Variants in ATP8A2 observed in about 807,000 individuals in gnomAD.
The protein encoded by ATP8A2 is phospholipid-transporting ATPase IB.
In ATP8A2, 100 loss-of-function variants were observed where a neutral mutation model predicts 165.6. The ratio of observed to expected loss-of-function variants is 0.60; its 90% CI spans 0.51 to 0.71. The LOEUF (loss-of-function observed/expected upper bound fraction) is 0.71, where lower values mean the gene tolerates loss of function less well. ATP8A2 is among the 30% of genes least tolerant of loss of function. ATP8A2 has a pLI of 0.00. For synonymous variants in ATP8A2, 543 were observed against 548.8 expected, an observed-to-expected ratio of 0.99 and a Z score of 0.15; for missense variants, 1,227 against 1,479.5, an observed-to-expected ratio of 0.83 and a Z score of 2.80.
At chr13:25,529,648 G>T (rs933646243) in intron 2 of ATP8A2, among the ~76,000 whole-genome samples, 8 of 152,130 alleles carry the variant, frequency 5.3e-5, no homozygotes, top group Admixed American at 4.6e-4. Flanking sequence ...AAACATCTGT[G>T]GTGGTTACCC....
intron 1 of ATP8A2, among the ~76,000 whole-genome samples, chr13:25,429,127 G>A (rs1394969453): frequency 6.6e-6 from 1 of 152,054 alleles, no homozygotes; most frequent in East Asian, 1.9e-4. Context: ...CAGCACTTTG[G>A]GAGGCCGAGG....
At chr13:25,639,365 A>C (rs940234125) in intron 24 of ATP8A2, among the ~76,000 whole-genome samples, 1 of 152,170 alleles carries the variant, frequency 6.6e-6, no homozygotes, top group African/African-American at 2.4e-5. Flanking sequence ...CCCATCTCAC[A>C]TGCAGAGACA....
intron 33 of ATP8A2, among the ~76,000 whole-genome samples, chr13:25,878,551 G>C (rs1952883521): frequency 6.7e-6 from 1 of 149,374 alleles, no homozygotes; most frequent in African/African-American, 2.5e-5. Context: ...GGTGGGTTTT[G>C]GCTGGCTTCT....
chr13:25,964,091 C>G (rs61947399), intron 34 of ATP8A2, among the ~76,000 whole-genome samples: 7,849 of 152,318 alleles, frequency 0.052, 225 homozygotes, highest in East Asian at 0.11. Flanking sequence ...CACCCAGCAC[C>G]TGGCACCACG....
chr13:25,514,189 A>C (rs535338326), intron 2 of ATP8A2, among the ~76,000 whole-genome samples: 1 of 152,118 alleles, frequency 6.6e-6, no homozygotes, highest in African/African-American at 2.4e-5. Context: ...CCAATTGCCA[A>C]TAGCCATTTT....
At chr13:25,835,887 C>T (rs1223472364) in intron 28 of ATP8A2, among the ~76,000 whole-genome samples, 1 of 152,126 alleles carries the variant, frequency 6.6e-6, no homozygotes, top group African/African-American at 2.4e-5. Context: ...CTTTAAATGA[C>T]AACAATTTAA....
At chr13:25,516,653 A>G (rs912368698) in intron 2 of ATP8A2, among the ~76,000 whole-genome samples, 13 of 152,126 alleles carry the variant, frequency 8.5e-5, no homozygotes, top group Admixed American at 8.5e-4. Context: ...TTAATTGAAA[A>G]TTGAGAAGAA....
chr13:25,741,130 A>G (rs2043901990), intron 25 of ATP8A2, among the ~76,000 whole-genome samples: 1 of 152,244 alleles, frequency 6.6e-6, no homozygotes, highest in Non-Finnish European at 1.5e-5. Context: ...TTTTATCGGA[A>G]AAATCTTTGT....
At chr13:25,637,237 A>G (rs1197629849) in intron 24 of ATP8A2, among the ~76,000 whole-genome samples, 1 of 151,888 alleles carries the variant, frequency 6.6e-6, no homozygotes, top group African/African-American at 2.4e-5. Context: ...GGTTCATCTC[A>G]CTGGGGCTAG....
At chr13:25,621,775 C>G (rs370872555) in intron 24 of ATP8A2, among the ~76,000 whole-genome samples, 3 of 152,210 alleles carry the variant, frequency 2.0e-5, no homozygotes, top group African/African-American at 7.2e-5. Flanking sequence ...GAATTTAGAC[C>G]TAATTTACCT....
At chr13:25,936,133 C>G (rs931068988) in intron 33 of ATP8A2, among the ~76,000 whole-genome samples, 2 of 152,162 alleles carry the variant, frequency 1.3e-5, no homozygotes, top group South Asian at 4.2e-4. Context: ...TTCAAAGTAC[C>G]CAACTCACAT....
chr13:25,772,097 G>A (rs1299509579), intron 26 of ATP8A2, among the ~76,000 whole-genome samples: 1 of 152,054 alleles, frequency 6.6e-6, no homozygotes, highest in Non-Finnish European at 1.5e-5. Flanking sequence ...ATGCACATGG[G>A]CAGCCCAAGA....
At chr13:25,477,479 A>G (rs34715328) in intron 2 of ATP8A2, among the ~76,000 whole-genome samples, 12,065 of 152,272 alleles carry the variant, frequency 0.079, 689 homozygotes, top group African/African-American at 0.16. Flanking sequence ...ATTGGTGGAA[A>G]AACTGGTGAA....
chr13:25,888,068 A>ACCCCCCCCCCCCCCCCCCCCCCC (rs71080210), intron 33 of ATP8A2, among the ~76,000 whole-genome samples: 1 of 105,582 alleles, frequency 9.5e-6, no homozygotes, highest in African/African-American at 3.4e-5. Flanking sequence ...AAGAACCCAG[A>ACCCCCCCCCCCCCCCCCCCCCCC]CCCCCCCCCC....
At chr13:25,726,300 G>T (rs745640588) in intron 25 of ATP8A2, among the ~76,000 whole-genome samples, 1 of 152,162 alleles carries the variant, frequency 6.6e-6, no homozygotes. Flanking sequence ...AACTAAAGGC[G>T]CAAAAGTGTG....
At chr13:25,833,198 T>TA (rs1951522446) in intron 28 of ATP8A2, among the ~76,000 whole-genome samples, 2 of 152,038 alleles carry the variant, frequency 1.3e-5, no homozygotes, top group Admixed American at 6.5e-5. Context: ...TTAAAAGTCT[T>TA]ATTGAACAAA....
At chr13:25,868,179 CATAT>C (rs1204211633) in intron 33 of ATP8A2, 8 of 453,954 alleles carry the variant, frequency 1.8e-5, no homozygotes, top group Admixed American at 4.8e-5. Context: ...AGGACTTTAG[CATAT>C]TTAAACTGTT....
intron 35 of ATP8A2, among the ~76,000 whole-genome samples, chr13:26,002,848 C>CTGTGTGTATGTG (rs1956660056): frequency 7.4e-6 from 1 of 134,720 alleles, no homozygotes; most frequent in South Asian, 2.5e-4. Flanking sequence ...TAGTATTCCA[C>CTGTGTGTATGTG]TGTGTGTGTG....
At chr13:25,797,304 AT>A (rs1265519293) in intron 27 of ATP8A2, among the ~76,000 whole-genome samples, 3 of 151,588 alleles carry the variant, frequency 2.0e-5, no homozygotes, top group African/African-American at 7.3e-5. Context: ...GTAGAATTGG[AT>A]TGTGTATAAC....
Sources: gnomAD v4.1 joint callset for allele counts (sites outside exome capture counted in the v4.1 genomes callset) on GRCh38, gnomAD v4.1.1 for gene constraint, MANE v1.5 for transcripts, NCBI Gene and HGNC (gene_info 2026-07-23, HGNC 2026-07-21) for gene names.